TNNI3K: variants seen among roughly 807,000 people sequenced by gnomAD.
TNNI3K encodes serine/threonine-protein kinase TNNI3K.
A neutral mutation model predicts 114.5 loss-of-function variants in TNNI3K; 140 were observed. The observed-to-expected ratio is 1.22, with a 90% CI of 1.07 to 1.41. TNNI3K has a LOEUF of 1.41. Ranked by LOEUF, TNNI3K falls within the 40% of genes most tolerant of loss-of-function variation. TNNI3K has a pLI of 0.00. For missense variants in TNNI3K, 1,125 were observed against 1,007.6 expected (o/e 1.12, Z -1.58); for synonymous variants, 347 against 347.5 (o/e 1.00, Z 0.02).
intron 21 of TNNI3K, 44 bp downstream of exon 21, chr1:74,463,594 A>C (rs532995963): frequency 6.2e-7 from 1 of 1,600,728 alleles, no homozygotes; most frequent in South Asian, 1.1e-5. Context: ...TTATGGTCAA[A>C]ATCTGTCACA....
chr1:74,235,947 T>C (rs1244589021), intron 1 of TNNI3K, among the ~76,000 whole-genome samples, 155 bp from the exon 2 acceptor site: 1 of 151,644 alleles, frequency 6.6e-6, no homozygotes, highest in Admixed American at 6.6e-5. Flanking sequence ...ATTTTAAATA[T>C]AAACATCTGC....
At chr1:74,251,401 A>G (rs1338191192) in intron 4 of TNNI3K, among the ~76,000 whole-genome samples, 3 of 68,356 alleles carry the variant, frequency 4.4e-5, no homozygotes, top group African/African-American at 1.6e-4. Context: ...TTTTATAATT[A>G]TAATAACAAT....
chr1:74,259,936 A>T (rs886988416), intron 4 of TNNI3K, among the ~76,000 whole-genome samples: 3 of 152,208 alleles, frequency 2.0e-5, no homozygotes, highest in African/African-American at 7.2e-5. Flanking sequence ...AAAAAATCTC[A>T]GCTGATGTAT....
chr1:74,428,334 C>A (rs1348263206), intron 17 of TNNI3K, among the ~76,000 whole-genome samples: 1 of 152,000 alleles, frequency 6.6e-6, no homozygotes, highest in East Asian at 1.9e-4. Context: ...CTCTACAGAA[C>A]CAAGGGTATA....
At chr1:74,510,186 A>G (rs975072140) in intron 23 of TNNI3K, among the ~76,000 whole-genome samples, 1 of 152,164 alleles carries the variant, frequency 6.6e-6, no homozygotes, top group Non-Finnish European at 1.5e-5. Context: ...GATCAGTAGT[A>G]GAGAGGGCAA....
At chr1:74,253,724 C>T (rs1655103233) in intron 4 of TNNI3K, among the ~76,000 whole-genome samples, 1 of 152,090 alleles carries the variant, frequency 6.6e-6, no homozygotes, top group African/African-American at 2.4e-5. Context: ...CCTGCCCGTG[C>T]CTCTCCCTCC....
intron 4 of TNNI3K, among the ~76,000 whole-genome samples, chr1:74,252,892 G>A (rs537797170): frequency 2.0e-5 from 3 of 152,194 alleles, no homozygotes; most frequent in Non-Finnish European, 4.4e-5. Context: ...AGGGGCACCC[G>A]AGTGGGTTGC....
At chr1:74,517,121 T>C (rs1646360634) in intron 23 of TNNI3K, among the ~76,000 whole-genome samples, 1 of 152,202 alleles carries the variant, frequency 6.6e-6, no homozygotes, top group African/African-American at 2.4e-5. Context: ...TTCATTATTA[T>C]GTATTACACA....
In TNNI3K at chr1:74,271,634, G is replaced by A. The variant is rs1195587286; in HGVS notation, c.370G>A (p.Gly124Arg). Residue 124 changes from glycine (G) to arginine (R), a missense_variant, in exon 5 of 25, where the codon GGA becomes AGA. Physicochemically the swap from Gly to Arg is moderately radical, Grantham distance 125. Transcript: ENST00000326637. ...ATTGATCACTTCTCTGCTTCACAGTGGAGCTGATATACAGCAGGTTGGATA... is the reference window on the plus strand; with the variant it reads ...ATTGATCACTTCTCTGCTTCACAGTAGAGCTGATATACAGCAGGTTGGATA... ...AELITSLLHS[G>R]ADIQQVGYGG... 1 of 1,608,850 alleles carries A rather than the reference G, an allele frequency of 6.2e-7. No homozygotes were observed. Among genetic ancestry groups the A allele is most frequent in the Non-Finnish European group, 8.5e-7 (1 of 1,176,948 alleles).
intron 9 of TNNI3K, among the ~76,000 whole-genome samples, chr1:74,348,522 C>T (rs1461099624): frequency 1.3e-5 from 2 of 152,190 alleles, no homozygotes; most frequent in Non-Finnish European, 2.9e-5. Context: ...TAGTTTTTTC[C>T]AATTCTGTGA....
chr1:74,528,312 T>C (rs921193016), intron 23 of TNNI3K, among the ~76,000 whole-genome samples: 2 of 151,926 alleles, frequency 1.3e-5, no homozygotes, highest in Admixed American at 6.6e-5. Context: ...GGGCATGGCA[T>C]AGGGACATAG....
chr1:74,337,315 A>G (rs2100429089), intron 7 of TNNI3K, among the ~76,000 whole-genome samples: 1 of 151,188 alleles, frequency 6.6e-6, no homozygotes, highest in South Asian at 2.1e-4. Flanking sequence ...GTTCACTCTG[A>G]TGGTAGTTTC....
intron 20 of TNNI3K, among the ~76,000 whole-genome samples, chr1:74,440,179 CAT>C (rs1173443136): frequency 3.9e-5 from 6 of 151,976 alleles, no homozygotes; most frequent in South Asian, 2.1e-4. Flanking sequence ...ATGCTTTGCT[CAT>C]GTGTAGAAAG....
rs200522674 is a variant in TNNI3K at position 74,354,012 on chromosome 1, C to T, written c.1060C>T (p.Arg354Cys). The change falls in exon 11 of 25, where the codon CGC becomes TGC. Residue 354 changes from arginine (R) to cysteine (C), a missense_variant. Arg to Cys is a radical substitution (Grantham distance 180). Transcript: ENST00000326637. ...CTCTGCTTGCTACCACGGTCACATT[C>T]GCCTGGTTCAGTTCTTACTGGATAA... ...LHSACYHGHI[R>C]LVQFLLDNGA... 1.6e-4 allele frequency: 261 copies of T among 1,613,786 alleles called. No homozygotes were observed. Among genetic ancestry groups the T allele is most frequent in the Non-Finnish European group, 2.0e-4 (233 of 1,179,948 alleles).
chr1:74,420,294 T>C (rs1665333590), intron 17 of TNNI3K, among the ~76,000 whole-genome samples: 1 of 152,102 alleles, frequency 6.6e-6, no homozygotes, highest in South Asian at 2.1e-4. Flanking sequence ...AAATTTAACA[T>C]TTTAGAATTC....
chr1:74,474,822 C>T (rs906611348), intron 21 of TNNI3K, among the ~76,000 whole-genome samples: 2 of 151,960 alleles, frequency 1.3e-5, no homozygotes, highest in South Asian at 2.1e-4. Flanking sequence ...AAGCAAAGTA[C>T]GTTTCTTGAC....
chr1:74,365,415 C>A (rs1662218601), intron 11 of TNNI3K, among the ~76,000 whole-genome samples: 1 of 152,028 alleles, frequency 6.6e-6, no homozygotes, highest in Admixed American at 6.6e-5. Context: ...CAACACTCAG[C>A]CCCTACTACA....
At chr1:74,352,735 G>A (rs979596937) in intron 9 of TNNI3K, among the ~76,000 whole-genome samples, 1 of 152,148 alleles carries the variant, frequency 6.6e-6, no homozygotes, top group African/African-American at 2.4e-5. Context: ...CTAGCAATGA[G>A]CGAGGCTCCG....
At chr1:74,310,605 G>T (rs961499815) in intron 5 of TNNI3K, among the ~76,000 whole-genome samples, 1 of 152,014 alleles carries the variant, frequency 6.6e-6, no homozygotes, top group African/African-American at 2.4e-5. Context: ...GTTTGGTACT[G>T]GTACAAAGAT....
Sources: allele counts gnomAD v4.1 joint callset (sites outside exome capture counted in the v4.1 genomes callset), GRCh38; gene constraint gnomAD v4.1.1; transcripts MANE v1.5; gene names NCBI Gene and HGNC (gene_info 2026-07-23, HGNC 2026-07-21).